Variants in RBFOX1 observed in about 807,000 individuals in gnomAD.
The protein encoded by RBFOX1 is RNA binding fox-1 homolog 1.
In RBFOX1, 8 loss-of-function variants were observed where a neutral mutation model predicts 57.7. The ratio of observed to expected loss-of-function variants is 0.14; its 90% confidence interval spans 0.08 to 0.25. The LOEUF (loss-of-function observed/expected upper bound fraction) is 0.25, where lower values mean the gene tolerates loss of function less well. RBFOX1 is among the 10% of genes least tolerant of loss of function. The pLI, the probability that RBFOX1 is intolerant of heterozygous loss-of-function variation, is 1.00. For missense variants in RBFOX1, 611 were observed against 548.5 expected (o/e 1.11, Z -1.14); for synonymous variants, 326 against 222.4 (o/e 1.47, Z -4.15).
intron 1 of RBFOX1, among the ~76,000 whole-genome samples, chr16:6,192,406 C>G (rs113457143): frequency 3.3e-5 from 5 of 152,072 alleles, no homozygotes; most frequent in African/African-American, 1.2e-4. Flanking sequence ...CTAGTTTTGT[C>G]TCTTCTTACT....
chr16:5,514,581 AC>A (rs2043722505), intron 2 of RBFOX1, among the ~76,000 whole-genome samples: 1 of 152,176 alleles, frequency 6.6e-6, no homozygotes, highest in Non-Finnish European at 1.5e-5. Flanking sequence ...GGCCATTCAC[AC>A]TGTCAGCCTG....
At chr16:7,482,058 C>G (rs981346767) in intron 4 of RBFOX1, among the ~76,000 whole-genome samples, 1 of 152,208 alleles carries the variant, frequency 6.6e-6, no homozygotes, top group African/African-American at 2.4e-5. Context: ...GCCTACAAAT[C>G]AAGCCGTGCA....
rs183458475 is a variant in RBFOX1, at chr16:5,287,862, A to C, written c.219+47757A>C. 7.9e-4 allele frequency among the ~76,000 whole-genome samples: 121 copies of C among 152,368 alleles called. 2 individuals carry two copies. In the East Asian group the frequency reaches 0.021, roughly 27 times the overall value. ...TTCAGTGGGAGGAACTGCAGAGACA[A>C]ATGGCAGAGTCTTGGATGCAGGGAG... On this transcript the variant is annotated intron_variant, in intron 1 of 2. Transcript: ENST00000585867.
At chr16:6,364,871 TC>T (rs1444610981) in intron 2 of RBFOX1, among the ~76,000 whole-genome samples, 1 of 152,092 alleles carries the variant, frequency 6.6e-6, no homozygotes, top group Non-Finnish European at 1.5e-5. Flanking sequence ...TGGAGGAAAT[TC>T]CCATCCTAGA....
At chr16:5,583,775 G>A (rs1249947752) in intron 2 of RBFOX1, among the ~76,000 whole-genome samples, 3 of 152,200 alleles carry the variant, frequency 2.0e-5, no homozygotes, top group Non-Finnish European at 1.5e-5. Context: ...TTATAGAGGG[G>A]AAAACTGTGG....
At chr16:6,544,512 A>C (rs986375672) in intron 2 of RBFOX1, among the ~76,000 whole-genome samples, 13 of 152,214 alleles carry the variant, frequency 8.5e-5, no homozygotes, top group African/African-American at 3.1e-4. Flanking sequence ...ATGTGAATTC[A>C]ACTCTGATCT....
At chr16:5,734,127 C>T (rs2052487438) in intron 3 of RBFOX1, among the ~76,000 whole-genome samples, 1 of 152,178 alleles carries the variant, frequency 6.6e-6, no homozygotes, top group East Asian at 1.9e-4. Context: ...TGTTCTTCTC[C>T]TTACCTGTTG....
chr16:5,300,575 A>T (rs6650573), intron 1 of RBFOX1, among the ~76,000 whole-genome samples: 101,018 of 151,992 alleles, frequency 0.66, 33,698 homozygotes, highest in Admixed American at 0.74. Context: ...TTAAGTAATA[A>T]TTATATTATT....
At chr16:6,255,425 T>G (rs954502196) in intron 1 of RBFOX1, among the ~76,000 whole-genome samples, 1 of 151,394 alleles carries the variant, frequency 6.6e-6, no homozygotes, top group Admixed American at 6.6e-5. Flanking sequence ...AGGAGGAGAG[T>G]GGAGGAAATG....
chr16:5,942,576 A>T (rs1597885574), intron 4 of RBFOX1, among the ~76,000 whole-genome samples: 1 of 152,188 alleles, frequency 6.6e-6, no homozygotes, highest in African/African-American at 2.4e-5. Flanking sequence ...TCTTAGCAGG[A>T]TTCAAGTCCC....
intron 1 of RBFOX1, among the ~76,000 whole-genome samples, chr16:5,328,318 A>C (rs904435196): frequency 6.6e-6 from 1 of 152,194 alleles, no homozygotes; most frequent in Non-Finnish European, 1.5e-5. Context: ...GCAAGGATGC[A>C]TGCATAGAGG....
At chr16:7,259,600 C>T (rs2094837205) in intron 4 of RBFOX1, among the ~76,000 whole-genome samples, 1 of 151,848 alleles carries the variant, frequency 6.6e-6, no homozygotes, top group African/African-American at 2.4e-5. Context: ...GTAGTTTAAA[C>T]TCCAACACTT....
At chr16:7,304,954 GTGTGTT>G (rs1364002938) in intron 4 of RBFOX1, among the ~76,000 whole-genome samples, 1 of 74,246 alleles carries the variant, frequency 1.3e-5, no homozygotes, top group Non-Finnish European at 2.8e-5. Context: ...GTGTGTGTGT[GTGTGTT>G]TTCCTAAGTT....
At chr16:5,321,351 G>C (rs910575789) in intron 1 of RBFOX1, among the ~76,000 whole-genome samples, 1 of 149,548 alleles carries the variant, frequency 6.7e-6, no homozygotes, top group Non-Finnish European at 1.5e-5. Flanking sequence ...ATGGAGTCTC[G>C]CTTTGTCACC....
intron 4 of RBFOX1, among the ~76,000 whole-genome samples, chr16:7,352,593 C>T (rs1164632908): frequency 6.6e-6 from 1 of 152,092 alleles, no homozygotes; most frequent in South Asian, 2.1e-4. Context: ...CCTGGCCTTG[C>T]CTTCAGAAAC....
chr16:6,449,928 C>G (rs2153042211), intron 2 of RBFOX1, among the ~76,000 whole-genome samples: 1 of 152,300 alleles, frequency 6.6e-6, no homozygotes, highest in East Asian at 1.9e-4. Flanking sequence ...TGCTGTAAAA[C>G]TTCATGCTGG....
chr16:6,966,760 TG>T, intron 3 of RBFOX1, among the ~76,000 whole-genome samples: 1 of 64,956 alleles, frequency 1.5e-5, no homozygotes, highest in Non-Finnish European at 3.0e-5. Flanking sequence ...TCTGTCTGTC[TG>T]TCTATCTATC....
intron 4 of RBFOX1, among the ~76,000 whole-genome samples, chr16:5,969,514 G>A (rs570662507): frequency 1.4e-5 from 2 of 147,014 alleles, no homozygotes; most frequent in Non-Finnish European, 1.5e-5. Flanking sequence ...AGTAGAGACG[G>A]GGTTTCACTG....
At chr16:5,948,281 T>C (rs1253319037) in intron 4 of RBFOX1, among the ~76,000 whole-genome samples, 1 of 152,142 alleles carries the variant, frequency 6.6e-6, no homozygotes, top group African/African-American at 2.4e-5. Flanking sequence ...GATTTGTAAT[T>C]GAGTTCAAGG....
Sources: gnomAD v4.1 joint callset for allele counts (sites outside exome capture counted in the v4.1 genomes callset) on GRCh38, gnomAD v4.1.1 for gene constraint, MANE v1.5 for transcripts, NCBI Gene and HGNC (gene_info 2026-07-23, HGNC 2026-07-21) for gene names.